ASCC3: variants seen among roughly 807,000 people sequenced by gnomAD.
The protein encoded by ASCC3 is activating signal cointegrator 1 complex subunit 3.
In ASCC3, 158 loss-of-function variants were observed where a neutral mutation model predicts 256.3. That is an observed-to-expected ratio of 0.62 (90% CI 0.54 to 0.70). ASCC3 has a LOEUF of 0.70. Among genes scored for constraint, ASCC3 ranks in the 30% least tolerant of loss-of-function variants. The probability of loss-of-function intolerance (pLI) is 0.00; values close to 1 mark genes in which losing one functional copy is unlikely to be tolerated. For missense variants in ASCC3, 2,259 were observed against 2,626.0 expected, an observed-to-expected ratio of 0.86 and a Z score of 3.05; for synonymous variants, 948 against 883.4, an observed-to-expected ratio of 1.07 and a Z score of -1.30.
At chr6:100,749,491 G>C (rs1780840417) in intron 10 of ASCC3, among the ~76,000 whole-genome samples, 2 of 151,908 alleles carry the variant, frequency 1.3e-5, no homozygotes, top group Admixed American at 6.6e-5. Flanking sequence ...GTGGGGTATG[G>C]AAATACTGAA....
intron 34 of ASCC3, among the ~76,000 whole-genome samples, chr6:100,595,418 G>A (rs1169390281): frequency 6.6e-6 from 1 of 152,102 alleles, no homozygotes; most frequent in Non-Finnish European, 1.5e-5. Flanking sequence ...AAAAAAGAAG[G>A]TGGCAGAGCT....
chr6:100,530,727 C>T (rs1271539833), intron 37 of ASCC3: 1 of 956,442 alleles, frequency 1.0e-6, no homozygotes, highest in Admixed American at 1.7e-5. Flanking sequence ...ATTGAAAGAA[C>T]CAGGACAATT....
chr6:100,792,611 CAACT>C (rs1769405909), intron 8 of ASCC3, among the ~76,000 whole-genome samples: 1 of 151,768 alleles, frequency 6.6e-6, no homozygotes, highest in African/African-American at 2.4e-5. Flanking sequence ...TTATATAGTC[CAACT>C]ATTTATATAT....
intron 3 of ASCC3, among the ~76,000 whole-genome samples, chr6:100,854,106 TACAA>T (rs1772821346): frequency 6.6e-6 from 1 of 151,696 alleles, no homozygotes; most frequent in Non-Finnish European, 1.5e-5. Context: ...AAAACTCAGA[TACAA>T]ACAGATTACA....
At chr6:100,671,597 T>C (rs1209235980) in intron 14 of ASCC3, among the ~76,000 whole-genome samples, 2 of 152,070 alleles carry the variant, frequency 1.3e-5, no homozygotes, top group Non-Finnish European at 2.9e-5. Flanking sequence ...ACAAGTGAAC[T>C]TTCCACACAG....
At chr6:100,843,219 T>C (rs754271736) in intron 4 of ASCC3, among the ~76,000 whole-genome samples, 2 of 152,138 alleles carry the variant, frequency 1.3e-5, no homozygotes, top group Admixed American at 6.6e-5. Context: ...GATGATAGAA[T>C]CATTTCCAAT....
At chr6:100,724,446 A>ACC (rs1779525874) in intron 11 of ASCC3, among the ~76,000 whole-genome samples, 2 of 152,032 alleles carry the variant, frequency 1.3e-5, no homozygotes, top group South Asian at 4.2e-4. Flanking sequence ...GGATAGGTTT[A>ACC]AGGAAATTTT....
At chr6:100,707,581 G>C (rs1021187586) in intron 13 of ASCC3, among the ~76,000 whole-genome samples, 1 of 151,900 alleles carries the variant, frequency 6.6e-6, no homozygotes, top group Non-Finnish European at 1.5e-5. Context: ...TTATTTGTTT[G>C]AGTACATTTT....
At chr6:100,858,816 TC>T in intron 3 of ASCC3, 1 of 649,834 alleles carries the variant, frequency 1.5e-6, no homozygotes, top group Non-Finnish European at 2.2e-6. Context: ...CCTAATGATG[TC>T]CAGCCCATAT....
chr6:100,689,795 T>C (rs895639320), intron 13 of ASCC3, among the ~76,000 whole-genome samples: 1 of 152,130 alleles, frequency 6.6e-6, no homozygotes, highest in Admixed American at 6.5e-5. Flanking sequence ...ACAGCAGACC[T>C]CCCATTGCTA....
rs1779160890 is a variant in ASCC3 at position 100,717,928 on chromosome 6, GT to G, written c.2079+146del. ...TGATTTTGTCTAGGATATCACATCT[GT>G]AATGTGATTCAATGTTCTGCAAAAG... On this transcript the variant is annotated intron_variant, in intron 12 of 41. Coordinates refer to ENST00000369162, the MANE Select transcript of ASCC3 (RefSeq NM_006828.4). The G allele has an allele frequency of 3.3e-5, 22 of 670,758 alleles. 1 individual carries two copies. The South Asian group carries it at 4.2e-4, about 13-fold the overall frequency. The allele number at this position is 670,758 out of a possible 1,614,324, so 41.6% of individuals were successfully genotyped here. A position where few individuals can be genotyped will look rare whatever the true frequency, so the allele number is the denominator to read the frequency against.
At chr6:100,623,656 A>G (rs1774079711) in intron 30 of ASCC3, among the ~76,000 whole-genome samples, 1 of 152,276 alleles carries the variant, frequency 6.6e-6, no homozygotes, top group African/African-American at 2.4e-5. Flanking sequence ...AGAGATCACA[A>G]TGCAACAATT....
intron 14 of ASCC3, among the ~76,000 whole-genome samples, chr6:100,671,242 G>A (rs1445618626): frequency 6.6e-6 from 1 of 152,020 alleles, no homozygotes; most frequent in Admixed American, 6.6e-5. Flanking sequence ...AAATTATGGA[G>A]CTAAACTTGT....
At chr6:100,546,588 C>G (rs1419328080) in intron 36 of ASCC3, among the ~76,000 whole-genome samples, 1 of 152,096 alleles carries the variant, frequency 6.6e-6, no homozygotes, top group East Asian at 1.9e-4. Context: ...ATGCAATCTA[C>G]TGTATGATAG....
chr6:100,687,034 TCA>T (rs71028030), intron 13 of ASCC3, among the ~76,000 whole-genome samples: 6,802 of 130,528 alleles, frequency 0.052, 186 homozygotes, highest in Non-Finnish European at 0.062. Context: ...TCTCTCTCTC[TCA>T]CACACACACA....
At chr6:100,654,057 A>G (rs1582640085) in intron 17 of ASCC3, among the ~76,000 whole-genome samples, 1 of 152,240 alleles carries the variant, frequency 6.6e-6, no homozygotes, top group South Asian at 2.1e-4. Flanking sequence ...AATCAGGAAA[A>G]TGGAGCAAAA....
At chr6:100,736,953 G>A (rs1780199536) in intron 10 of ASCC3, among the ~76,000 whole-genome samples, 1 of 152,146 alleles carries the variant, frequency 6.6e-6, no homozygotes, top group Non-Finnish European at 1.5e-5. Flanking sequence ...TTCAAGACCA[G>A]CCTGGGCAAT....
rs184250300 is a variant in ASCC3 at position 100,846,868 on chromosome 6, G to C, written c.801+1280C>G. Among the ~76,000 whole-genome samples the C allele has an allele frequency of 6.6e-5, 10 of 151,736 alleles. No homozygotes were observed. In the East Asian group the frequency reaches 1.9e-3, roughly 29 times the overall value. ...GTATTATAATACCTATGATATTTCA[G>C]TACAGTTACTTGTTGACATGTCTCC... On this transcript the variant is annotated intron_variant, in intron 4 of 41. Coordinates refer to ENST00000369162, the MANE Select transcript of ASCC3 (RefSeq NM_006828.4).
chr6:100,700,584 A>G (rs538149756), intron 13 of ASCC3, among the ~76,000 whole-genome samples: 146 of 152,336 alleles, frequency 9.6e-4, no homozygotes, highest in East Asian at 5.8e-4. Flanking sequence ...GCAGCTGGGA[A>G]GGAGGCTGTA....
Sources: allele counts gnomAD v4.1 joint callset (sites outside exome capture counted in the v4.1 genomes callset), GRCh38; gene constraint gnomAD v4.1.1; transcripts MANE v1.5; gene names NCBI Gene and HGNC (gene_info 2026-07-23, HGNC 2026-07-21).